Variants in EDIL3 observed in about 807,000 individuals in gnomAD.
The protein encoded by EDIL3 is EGF-like repeat and discoidin I-like domain-containing protein 3.
A neutral mutation model predicts 67.4 loss-of-function variants in EDIL3; 37 were observed. That is an observed-to-expected ratio of 0.55 (90% CI 0.42 to 0.72). The LOEUF (loss-of-function observed/expected upper bound fraction) is 0.72, where lower values mean the gene tolerates loss of function less well. EDIL3 is among the 30% of genes least tolerant of loss of function. EDIL3 has a pLI of 0.00. For missense variants in EDIL3, 527 were observed against 586.3 expected (o/e 0.90, Z 1.04); for synonymous variants, 195 against 196.3 (o/e 0.99, Z 0.05).
intron 9 of EDIL3, among the ~76,000 whole-genome samples, chr5:83,995,151 CACACAT>C (rs1433056875): frequency 6.6e-5 from 5 of 75,778 alleles, no homozygotes; most frequent in African/African-American, 3.2e-4. Flanking sequence ...CACACGCACA[CACACAT>C]ACACACACAC....
At position 84,207,074 on chromosome 5, in the gene EDIL3, T is replaced by G. The variant is rs191078707; in HGVS notation, c.226+22781A>C. Among the ~76,000 whole-genome samples the G allele has an allele frequency of 2.0e-3, 312 of 152,202 alleles. 1 individual carries two copies. The highest frequency in any genetic ancestry group is 6.6e-3 in the African/African-American group (273 of 41,520). On this transcript the variant is annotated intron_variant, in intron 3 of 10. Coordinates refer to ENST00000296591, the MANE Select transcript of EDIL3 (RefSeq NM_005711.5). ...AATTAGGCAGGAGAAGGAAATAAAG[T>G]GTATTCAATTAGGAAAAGAGGGAGT...
intron 2 of EDIL3, among the ~76,000 whole-genome samples, chr5:84,241,824 T>TA (rs1744799076): frequency 6.6e-6 from 1 of 152,004 alleles, no homozygotes; most frequent in Non-Finnish European, 1.5e-5. Context: ...TTTAAAATAG[T>TA]ATATAAGGTT....
intron 9 of EDIL3, among the ~76,000 whole-genome samples, chr5:84,043,532 C>A (rs1025865434): frequency 2.0e-5 from 3 of 151,798 alleles, no homozygotes; most frequent in Non-Finnish European, 4.4e-5. Context: ...CATGTTGATG[C>A]AAAAAAAGGC....
intron 5 of EDIL3, among the ~76,000 whole-genome samples, chr5:84,121,201 CTG>C (rs1432324735): frequency 2.0e-5 from 3 of 151,972 alleles, no homozygotes; most frequent in Non-Finnish European, 2.9e-5. Context: ...TCATTGCTAT[CTG>C]CTTAGTTGCT....
At chr5:84,016,234 A>G (rs1217002336) in intron 9 of EDIL3, among the ~76,000 whole-genome samples, 3 of 152,112 alleles carry the variant, frequency 2.0e-5, no homozygotes, top group Non-Finnish European at 4.4e-5. Context: ...CTTAGAGCAA[A>G]TTTCCTCTGA....
At chr5:84,247,643 T>C (rs985634043) in intron 2 of EDIL3, among the ~76,000 whole-genome samples, 5 of 152,154 alleles carry the variant, frequency 3.3e-5, no homozygotes, top group African/African-American at 1.2e-4. Flanking sequence ...TCTGAATTTG[T>C]GGTAGAAAAG....
chr5:84,109,661 C>T (rs1019769347), intron 5 of EDIL3, among the ~76,000 whole-genome samples: 7 of 152,102 alleles, frequency 4.6e-5, no homozygotes, highest in Admixed American at 2.6e-4. Flanking sequence ...TATCACCAGT[C>T]CTCGATTCTA....
At chr5:84,075,504 C>T (rs1746836924) in intron 6 of EDIL3, among the ~76,000 whole-genome samples, 1 of 151,740 alleles carries the variant, frequency 6.6e-6, no homozygotes, top group African/African-American at 2.4e-5. Context: ...GAGACGGAGT[C>T]TTCCTCTGTC....
At chr5:83,959,130 T>G (rs1367956981) in intron 10 of EDIL3, among the ~76,000 whole-genome samples, 1 of 150,314 alleles carries the variant, frequency 6.7e-6, no homozygotes, top group Non-Finnish European at 1.5e-5. Context: ...AGTTGACTTT[T>G]GGCATGTGTG....
At chr5:84,293,320 T>C (rs956421718) in intron 1 of EDIL3, among the ~76,000 whole-genome samples, 1 of 152,184 alleles carries the variant, frequency 6.6e-6, no homozygotes, top group African/African-American at 2.4e-5. Context: ...GAATAAACAC[T>C]ATTATTACCC....
At chr5:84,023,306 T>A (rs1405137081) in intron 9 of EDIL3, among the ~76,000 whole-genome samples, 1 of 152,006 alleles carries the variant, frequency 6.6e-6, no homozygotes, top group East Asian at 1.9e-4. Context: ...ACAAATGCAT[T>A]CTTTGCATTT....
chr5:84,019,708 T>A (rs1745676427), intron 9 of EDIL3, among the ~76,000 whole-genome samples: 1 of 152,048 alleles, frequency 6.6e-6, no homozygotes, highest in African/African-American at 2.4e-5. Flanking sequence ...ATGACACAGG[T>A]TATTTAACAT....
chr5:84,260,097 A>G (rs1745200175), intron 1 of EDIL3, among the ~76,000 whole-genome samples: 1 of 152,222 alleles, frequency 6.6e-6, no homozygotes, highest in African/African-American at 2.4e-5. Context: ...TCCAGTACAC[A>G]TATCAGAGAA....
chr5:84,293,713 G>A (rs535799951), intron 1 of EDIL3, among the ~76,000 whole-genome samples: 6 of 151,532 alleles, frequency 4.0e-5, no homozygotes, highest in Non-Finnish European at 8.8e-5. Flanking sequence ...CCAGCTGTGG[G>A]AGGCTGGGGG....
chr5:84,358,056 T>G (rs1056533957), intron 1 of EDIL3, among the ~76,000 whole-genome samples: 1 of 151,974 alleles, frequency 6.6e-6, no homozygotes, highest in African/African-American at 2.4e-5. Flanking sequence ...CTCAGACCAA[T>G]TACAAGAATC....
At chr5:84,317,913 T>G (rs1208653838) in intron 1 of EDIL3, among the ~76,000 whole-genome samples, 1 of 152,018 alleles carries the variant, frequency 6.6e-6, no homozygotes. Flanking sequence ...TTTAGAAAAC[T>G]CCATCGTCTC....
Position 84,384,319 on chromosome 5 carries a change from T to A in EDIL3, c.56A>T (p.Gln19Leu), listed in dbSNP as rs964989646. ...TCCCGACGCCTTACCTTTGCCGAAC[T>A]GGGGGACACCGAGGCTGAGCCCGAC... ...LLVGLSLGVP[Q>L]FGKGDICDPN... Residue 19 changes from glutamine to leucine, a missense_variant, in exon 1 of 11, where the codon CAG becomes CTG. Around this residue, in one of 2 missense-constraint regions of EDIL3, gnomAD observed 494 missense variants for 522.5 expected, o/e 0.95. Coordinates refer to ENST00000296591, the MANE Select transcript of EDIL3 (RefSeq NM_005711.5). The A allele has an allele frequency of 1.9e-6, 3 of 1,610,046 alleles. No homozygotes were observed. The Admixed American group carries it at 5.0e-5, about 27-fold the overall frequency.
chr5:84,298,496 A>G (rs1195410979), intron 1 of EDIL3, among the ~76,000 whole-genome samples: 1 of 152,184 alleles, frequency 6.6e-6, no homozygotes, highest in Non-Finnish European at 1.5e-5. Context: ...AGAGAGCATC[A>G]GGAAAAACAG....
intron 3 of EDIL3, among the ~76,000 whole-genome samples, chr5:84,221,123 T>A (rs567882978): frequency 6.6e-6 from 1 of 152,164 alleles, no homozygotes; most frequent in East Asian, 1.9e-4. Flanking sequence ...CAATACATAA[T>A]AACTATTTTT....
Sources: gnomAD v4.1 joint callset for allele counts (sites outside exome capture counted in the v4.1 genomes callset) on GRCh38, gnomAD v4.1.1 for gene constraint, gnomAD v4.1.1 regional missense constraint, MANE v1.5 for transcripts, NCBI Gene and HGNC (gene_info 2026-07-23, HGNC 2026-07-21) for gene names.